The following BRINP1 variants were observed in gnomAD, a reference collection of about 807,000 sequenced individuals.
The protein encoded by BRINP1 is BMP/retinoic acid-inducible neural-specific protein 1.
Under a neutral mutation model 72.9 loss-of-function variants are expected in BRINP1, and 17 were observed. The observed-to-expected ratio is 0.23, with a 90% confidence interval of 0.16 to 0.35. The LOEUF is 0.35. Ranked by LOEUF, BRINP1 falls within the 10% of genes least tolerant of loss-of-function variation. The pLI is 1.00. For synonymous variants in BRINP1, 418 were observed against 378.5 expected, an observed-to-expected ratio of 1.10 and a Z score of -1.21; for missense variants, 850 against 1,001.6, an observed-to-expected ratio of 0.85 and a Z score of 2.04.
At chr9:119,244,771 T>C (rs1830297110) in intron 3 of BRINP1, among the ~76,000 whole-genome samples, 1 of 152,188 alleles carries the variant, frequency 6.6e-6, no homozygotes, top group Non-Finnish European at 1.5e-5. Context: ...CTGTTTAGAA[T>C]TGCTTTCCCC....
chr9:119,282,836 G>A, intron 2 of BRINP1: 1 of 985,312 alleles, frequency 1.0e-6, no homozygotes, highest in Non-Finnish European at 1.2e-6. Flanking sequence ...GCTGGTCACA[G>A]TGGAGAGACA....
intron 5 of BRINP1, among the ~76,000 whole-genome samples, chr9:119,218,004 T>C (rs984990944): frequency 1.1e-3 from 164 of 152,028 alleles, no homozygotes; most frequent in African/African-American, 3.8e-3. Context: ...AAAAGGCATC[T>C]TCAATTTTTT....
chr9:119,333,627 G>A (rs1274094910), intron 1 of BRINP1, among the ~76,000 whole-genome samples: 1 of 152,082 alleles, frequency 6.6e-6, no homozygotes, highest in Non-Finnish European at 1.5e-5. Flanking sequence ...GGGGATGAAT[G>A]GCCTATATTT....
chr9:119,340,226 A>G (rs1226085603), intron 1 of BRINP1, among the ~76,000 whole-genome samples: 1 of 152,234 alleles, frequency 6.6e-6, no homozygotes, highest in Non-Finnish European at 1.5e-5. Flanking sequence ...AATTAAAAAT[A>G]AAAATGGAAC....
chr9:119,324,090 G>A (rs1305458395), intron 1 of BRINP1, among the ~76,000 whole-genome samples: 2 of 152,020 alleles, frequency 1.3e-5, no homozygotes, highest in Admixed American at 1.3e-4. Flanking sequence ...TTCTGATCTT[G>A]CCCTATGAAT....
intron 5 of BRINP1, among the ~76,000 whole-genome samples, chr9:119,236,758 A>G (rs1050085293): frequency 6.6e-6 from 1 of 152,062 alleles, no homozygotes; most frequent in African/African-American, 2.4e-5. Context: ...TACTTTCTTA[A>G]CAGGCATTAG....
intron 1 of BRINP1, among the ~76,000 whole-genome samples, chr9:119,343,907 A>G (rs971372113): frequency 2.6e-5 from 4 of 152,128 alleles, no homozygotes; most frequent in Middle Eastern, 6.8e-3. Flanking sequence ...CTTCCCCAAC[A>G]TGTCCTCCTA....
chr9:119,276,630 C>G (rs1830660324), intron 2 of BRINP1, among the ~76,000 whole-genome samples: 1 of 152,172 alleles, frequency 6.6e-6, no homozygotes, highest in Admixed American at 6.5e-5. Context: ...CTTTACAAAT[C>G]ATCTGGCAAT....
chr9:119,340,494 C>A lies in BRINP1; in HGVS notation c.-50-27089G>T, dbSNP rs1831395528. On this transcript the variant is annotated intron_variant, in intron 1 of 7. Coordinates refer to ENST00000265922, the MANE Select transcript of BRINP1 (RefSeq NM_014618.3). ...GGGACAGATCCAGGAGCTGCCCCAT[C>A]CAAGAACCTCCTCTTCCCCAGTCCA... Among the ~76,000 whole-genome samples the A allele has an allele frequency of 2.0e-5, 3 of 152,216 alleles. No homozygotes were observed. In the South Asian group the frequency reaches 6.2e-4, roughly 32 times the overall value.
chr9:119,287,227 T>C (rs1286444999), intron 2 of BRINP1, among the ~76,000 whole-genome samples: 1 of 152,222 alleles, frequency 6.6e-6, no homozygotes, highest in Non-Finnish European at 1.5e-5. Flanking sequence ...AAGAGAGACC[T>C]GGTTCCAAGG....
chr9:119,185,887 A>G (rs1223934015), intron 7 of BRINP1, among the ~76,000 whole-genome samples: 1 of 152,230 alleles, frequency 6.6e-6, no homozygotes, highest in Non-Finnish European at 1.5e-5. Context: ...TTTTGAAAGC[A>G]AAGCCCTGCT....
chr9:119,214,177 G>T, intron 5 of BRINP1, 22 bp from the exon 6 acceptor site: 2 of 1,562,888 alleles, frequency 1.3e-6, no homozygotes, highest in South Asian at 1.1e-5. Flanking sequence ...TAGCAAGAAG[G>T]GAAAACAGAA....
chr9:119,316,066 G>A (rs1037216525), intron 1 of BRINP1, among the ~76,000 whole-genome samples: 3 of 152,176 alleles, frequency 2.0e-5, no homozygotes, highest in Admixed American at 6.5e-5. Context: ...TATTGATGAA[G>A]ATGGCTACCC....
chr9:119,350,476 A>G (rs1412164366), intron 1 of BRINP1, among the ~76,000 whole-genome samples: 6 of 152,164 alleles, frequency 3.9e-5, no homozygotes, highest in Non-Finnish European at 8.8e-5. Context: ...CATACAGTTC[A>G]CATTCCCCTG....
chr9:119,213,861 T>C (rs1446882278), intron 6 of BRINP1, 58 bp downstream of exon 6: 2 of 1,444,270 alleles, frequency 1.4e-6, no homozygotes, highest in Non-Finnish European at 1.9e-6. Context: ...TTAGATTAGC[T>C]CCCTTTCAGA....
intron 2 of BRINP1, among the ~76,000 whole-genome samples, chr9:119,257,612 A>G (rs1443785368): frequency 6.6e-6 from 1 of 152,206 alleles, no homozygotes; most frequent in East Asian, 1.9e-4. Flanking sequence ...GCTTCTGAGT[A>G]TCGGGGTGAT....
chr9:119,224,139 G>A (rs1464429485), intron 5 of BRINP1, among the ~76,000 whole-genome samples: 1 of 152,062 alleles, frequency 6.6e-6, no homozygotes, highest in Non-Finnish European at 1.5e-5. Context: ...AAGTGAATAT[G>A]ACATGGTTTA....
chr9:119,342,717 T>C (rs888729198), intron 1 of BRINP1, among the ~76,000 whole-genome samples: 18 of 152,202 alleles, frequency 1.2e-4, no homozygotes, highest in African/African-American at 2.4e-4. Flanking sequence ...ATCAACTCAA[T>C]GGCATTTGTG....
At chr9:119,177,461 C>G (rs1240779710) in intron 7 of BRINP1, among the ~76,000 whole-genome samples, 1 of 152,204 alleles carries the variant, frequency 6.6e-6, no homozygotes, top group Admixed American at 6.5e-5. Flanking sequence ...GTGGTTCCAT[C>G]TGACGAGAGC....
Sources: allele counts gnomAD v4.1 joint callset (sites outside exome capture counted in the v4.1 genomes callset), GRCh38; gene constraint gnomAD v4.1.1; transcripts MANE v1.5; gene names NCBI Gene and HGNC (gene_info 2026-07-23, HGNC 2026-07-21).